FBRS: variants seen among roughly 807,000 people sequenced by gnomAD.
The protein encoded by FBRS is probable fibrosin-1.
FBRS carries 15 observed loss-of-function variants against 86.1 expected under a neutral mutation model. The observed-to-expected ratio is 0.17, with a 90% CI of 0.12 to 0.27. The LOEUF (loss-of-function observed/expected upper bound fraction) is 0.27. Ranked by LOEUF, FBRS falls within the 10% of genes least tolerant of loss-of-function variation. FBRS has a pLI of 1.00. For missense variants in FBRS, 1,367 were observed against 1,301.6 expected (o/e 1.05, Z -0.77); for synonymous variants, 666 against 575.8 (o/e 1.16, Z -2.24).
Position 30,661,341 on chromosome 16 carries a change from G to A in FBRS, c.705+8G>A, listed in dbSNP as rs763778705. 6.4e-7 allele frequency: 1 copy of A among 1,550,768 alleles called. No individual in the cohort carries two copies. Among genetic ancestry groups the A allele is most frequent in the South Asian group, 1.2e-5 (1 of 84,062 alleles). On this transcript the variant is annotated splice_region_variant and intron_variant, in intron 4 of 17. Transcript: ENST00000356166. ...AGTGATCTGGACGAGAGGGTGAGTG[G>A]GGCTAGAGCTTGGGTGGGCAGTGTC...
In FBRS at chr16:30,659,858, G is replaced by A. The variant is rs758291014; in HGVS notation, c.340G>A (p.Glu114Lys). Residue 114 changes from glutamate (E) to lysine (K), a missense_variant, in exon 1 of 18, where the codon GAG (glutamate) becomes AAG (lysine). This residue lies in a region of FBRS where 702 missense variants were observed against 598.7 expected (regional missense o/e 1.17). Transcript: ENST00000356166. Reference sequence around the variant, plus strand: ...CGGGGAGGAAGAGGAGGAGGAGGAGGAGGAGGGGGGCGCAGACGACGGCGA... The same window carrying A: ...CGGGGAGGAAGAGGAGGAGGAGGAGAAGGAGGGGGGCGCAGACGACGGCGA... ...SRGEEEEEEEEEGGADDGEAE... is the reference protein window; with the variant it reads ...SRGEEEEEEEKEGGADDGEAE... The A allele has an allele frequency of 6.5e-7, 1 of 1,540,470 alleles. No homozygotes were observed.
chr16:30,668,330 T>A lies in FBRS; in HGVS notation c.2075-230T>A, dbSNP rs1596619710. 40 of 525,588 alleles carry A rather than the reference T, an allele frequency of 7.6e-5. No individual in the cohort carries two copies. The East Asian group carries it at 1.2e-3, about 15-fold the overall frequency. 32.6% of individuals were successfully genotyped at this position (525,588 alleles called of 1,614,324 possible). ...CTCTCTGAGCCTCTCTGTTTTATCA[T>A]CTTCAAGTGGGCATGATCCTAACCA... On this transcript the variant is annotated intron_variant, in intron 15 of 17. Coordinates refer to ENST00000356166, the MANE Select transcript of FBRS (RefSeq NM_001105079.3).
Position 30,669,115 on chromosome 16 carries a change from C to T in FBRS, c.2413C>T (p.Pro805Ser), listed in dbSNP as rs2052560013. 1.9e-6 allele frequency: 3 copies of T among 1,593,062 alleles called. No homozygotes were observed. The highest frequency in any genetic ancestry group is 1.7e-6 in the Non-Finnish European group (2 of 1,170,798). Reference sequence around the variant, plus strand: ...CCAGCTCCGAGTTTCTCCTGCTACTCCCAAGGCCCGGGCTGGTGAGGAGGG... The same window carrying T: ...CCAGCTCCGAGTTTCTCCTGCTACTTCCAAGGCCCGGGCTGGTGAGGAGGG... ...RPQLRVSPAT[P>S]KARAGEEGPR... The change falls in exon 18 of 18, where the codon CCC (proline) becomes TCC (serine). Residue 805 changes from proline to serine, a missense_variant. Around this residue, in one of 3 missense-constraint regions of FBRS, gnomAD observed 659 missense variants for 678.8 expected, o/e 0.97. Transcript: ENST00000356166. This position sits in a 1 kb window ranked among gnomAD's most constrained non-coding sequence, Gnocchi z 5.9.
chr16:30,661,436 A>C, intron 4 of FBRS, 103 bp downstream of exon 4: 38 of 1,522,068 alleles, frequency 2.5e-5, no homozygotes, highest in South Asian at 3.6e-5. Flanking sequence ...TTGAGTGAGA[A>C]ACATGGCTTA....
chr16:30,662,839 C>G lies in FBRS; in HGVS notation c.1035C>G (p.Ser345Arg). ...FGLRTSPYGSSLDLSTGSSSR... is the reference protein window; with the variant it reads ...FGLRTSPYGSRLDLSTGSSSR... ...TCCGCACTTCTCCATATGGCAGCAG[C>G]CTGGACCTCAGCACTGGCAGGTGAG... Residue 345 changes from serine (S) to arginine (R), a missense_variant, in exon 6 of 18, where the codon AGC (serine) becomes AGG (arginine). Ser to Arg is a moderately radical substitution (Grantham distance 110, BLOSUM62 -1). This residue lies in a region of FBRS where 702 missense variants were observed against 598.7 expected (regional missense o/e 1.17). Transcript: ENST00000356166. The G allele has an allele frequency of 6.9e-7, 1 of 1,455,372 alleles. No homozygotes were observed. The highest frequency in any genetic ancestry group is 9.1e-7 in the Non-Finnish European group (1 of 1,099,406). The allele number at this position is 1,455,372 out of a possible 1,614,324, so 90.2% of individuals were successfully genotyped here.
At chr16:30,663,115 G>A (rs187664628) in intron 6 of FBRS, 32 of 517,482 alleles carry the variant, frequency 6.2e-5, no homozygotes, top group African/African-American at 3.3e-4. Context: ...AAGTCTGCTC[G>A]GAATAGTGTT....
rs1439917126 is a variant in FBRS, at chr16:30,659,831, C to G, written c.313C>G (p.Arg105Gly). The G allele has an allele frequency of 6.6e-7, 1 of 1,525,092 alleles. No homozygotes were observed. The highest frequency in any genetic ancestry group is 8.8e-7 in the Non-Finnish European group (1 of 1,140,046). The allele number at this position is 1,525,092 out of a possible 1,614,324, so 94.5% of individuals were successfully genotyped here. A position where few individuals can be genotyped will look rare whatever the true frequency, so the allele number is the denominator to read the frequency against. ...ARKRPAGSGS[R>G]GEEEEEEEEE... ...GAAGCGGCCTGCCGGCTCGGGCAGC[C>G]GCGGGGAGGAAGAGGAGGAGGAGGA... Residue 105 changes from arginine to glycine, a missense_variant, in exon 1 of 18, where the codon CGC becomes GGC. Arg to Gly is a moderately radical substitution (Grantham distance 125, BLOSUM62 -2). Coordinates refer to ENST00000356166, the MANE Select transcript of FBRS (RefSeq NM_001105079.3).
intron 4 of FBRS, 46 bp from the exon 5 acceptor site, chr16:30,662,374 C>T: frequency 6.5e-7 from 1 of 1,549,328 alleles, no homozygotes; most frequent in South Asian, 1.2e-5. Context: ...GGGTGGAGGC[C>T]TGGCCCACCC....
intron 2 of FBRS, among the ~76,000 whole-genome samples, chr16:30,660,748 G>C (rs2052449843): frequency 6.6e-6 from 1 of 152,194 alleles, no homozygotes; most frequent in Non-Finnish European, 1.5e-5. Flanking sequence ...TGGCAGTCCA[G>C]CAGAAAAGAA....
chr16:30,665,209 TG>T lies in FBRS; in HGVS notation c.1609-91del. 1.3e-6 allele frequency: 2 copies of T among 1,510,618 alleles called. No homozygotes were observed. The highest frequency in any genetic ancestry group is 8.9e-7 in the Non-Finnish European group (1 of 1,120,926). The allele number at this position is 1,510,618 out of a possible 1,614,324, so 93.6% of individuals were successfully genotyped here. ...GAGCCTTGAGCCTGGGACAGCTCCCTGGGGGGCTTTAGGGTGGAGGCCCGTG... is the reference window on the plus strand; with the variant it reads ...GAGCCTTGAGCCTGGGACAGCTCCCTGGGGGCTTTAGGGTGGAGGCCCGTG... On this transcript the variant is annotated intron_variant, in intron 9 of 17. Transcript: ENST00000356166. This position sits in a 1 kb window ranked among gnomAD's most constrained non-coding sequence, Gnocchi z 4.1.
intron 6 of FBRS, among the ~76,000 whole-genome samples, chr16:30,663,373 CAG>C (rs1185743527): frequency 6.6e-6 from 1 of 152,108 alleles, no homozygotes; most frequent in Non-Finnish European, 1.5e-5. Context: ...CATTCAGCGT[CAG>C]TGATATATGG....
intron 2 of FBRS, 149 bp downstream of exon 2, chr16:30,660,591 G>C: frequency 8.1e-7 from 1 of 1,231,540 alleles, no homozygotes; most frequent in Non-Finnish European, 1.0e-6. Context: ...TACTCATCCG[G>C]GTCTGACGAA....
At position 30,662,850 on chromosome 16, in the gene FBRS, G is replaced by C. The variant is rs2052477947; in HGVS notation, c.1046G>C (p.Ser349Thr). ...CCATATGGCAGCAGCCTGGACCTCA[G>C]CACTGGCAGGTGAGTGGTCTTGGGG... ...TSPYGSSLDL[S>T]TGSSSRPPPK... The change falls in exon 6 of 18, where the codon AGC (serine) becomes ACC (threonine). Residue 349 changes from serine to threonine, a missense_variant. Around this residue, in one of 3 missense-constraint regions of FBRS, gnomAD observed 702 missense variants for 598.7 expected, o/e 1.17. Coordinates refer to ENST00000356166, the MANE Select transcript of FBRS (RefSeq NM_001105079.3). The C allele has an allele frequency of 6.9e-7, 1 of 1,447,674 alleles. No individual in the cohort carries two copies. The highest frequency in any genetic ancestry group is 9.1e-7 in the Non-Finnish European group (1 of 1,096,180). The allele number at this position is 1,447,674 out of a possible 1,614,324, so 89.7% of individuals were successfully genotyped here.
chr16:30,662,545 A>G lies in FBRS; in HGVS notation c.755-14A>G, dbSNP rs2052473652. 1.9e-6 allele frequency: 3 copies of G among 1,547,188 alleles called. No homozygotes were observed. The highest frequency in any genetic ancestry group is 1.4e-5 in the African/African-American group (1 of 72,964). ...TGAGCCTCAACTGAGCATGTCTGCC[A>G]TCCTGCCCCACAGCCTCGGGCCCCC... On this transcript the variant is annotated splice_polypyrimidine_tract_variant and intron_variant, in intron 5 of 17. Coordinates refer to ENST00000356166, the MANE Select transcript of FBRS (RefSeq NM_001105079.3).
chr16:30,659,831 C>T lies in FBRS; in HGVS notation c.313C>T (p.Arg105Cys), dbSNP rs1439917126. The T allele has an allele frequency of 2.6e-6, 4 of 1,524,984 alleles. No homozygotes were observed. The highest frequency in any genetic ancestry group is 1.2e-5 in the South Asian group (1 of 83,424). 94.5% of individuals were successfully genotyped at this position (1,524,984 alleles called of 1,614,324 possible). ...ARKRPAGSGS[R>C]GEEEEEEEEE... ...GAAGCGGCCTGCCGGCTCGGGCAGCCGCGGGGAGGAAGAGGAGGAGGAGGA... is the reference window on the plus strand; with the variant it reads ...GAAGCGGCCTGCCGGCTCGGGCAGCTGCGGGGAGGAAGAGGAGGAGGAGGA... The change falls in exon 1 of 18, where the codon CGC becomes TGC. Residue 105 changes from arginine (R) to cysteine (C), a missense_variant. Transcript: ENST00000356166.
Position 30,667,355 on chromosome 16 carries a change from C to T in FBRS, c.1911C>T (p.Leu637=). 1 of 1,554,228 alleles carries T rather than the reference C, an allele frequency of 6.4e-7. No individual in the cohort carries two copies. The highest frequency in any genetic ancestry group is 8.7e-7 in the Non-Finnish European group (1 of 1,148,462). Residue 637 remains leucine (L), a synonymous_variant, in exon 14 of 18, where the codon CTC becomes CTT. Transcript: ENST00000356166. ...ACAAGCTTGACTTTCGGAATGACCT[C>T]CTGCCCTGCCTTCCGGGGCCCTATG... ...DSHKLDFRND[L]LPCLPGPYGA... is the part of the protein sequence containing the mutation.
chr16:30,661,895 T>C (rs979774604), intron 4 of FBRS: 12 of 174,998 alleles, frequency 6.9e-5, no homozygotes, highest in Non-Finnish European at 1.5e-4. Flanking sequence ...GTTTCAAAAG[T>C]TGGCTGGATA....
At position 30,665,881 on chromosome 16, in the gene FBRS, TGA is replaced by T. The variant is rs1359514613; in HGVS notation, c.1773+179_1773+180del. ...AGCTGGCTTTCCCAGGCATGAGGAA[TGA>T]GAGTTTCATGAGCTTGTCCCAGAAA... On this transcript the variant is annotated intron_variant, in intron 11 of 17. Transcript: ENST00000356166. This position sits in a 1 kb window ranked among gnomAD's most constrained non-coding sequence, Gnocchi z 4.1. 8.4e-6 allele frequency: 5 copies of T among 594,328 alleles called. No individual in the cohort carries two copies. The East Asian group carries it at 1.5e-4, about 18-fold the overall frequency. The allele number at this position is 594,328 out of a possible 1,614,324, so 36.8% of individuals were successfully genotyped here.
rs1431946302 is a variant in FBRS at position 30,668,541 on chromosome 16, C to G, written c.2075-19C>G. The G allele has an allele frequency of 6.2e-7, 1 of 1,603,220 alleles. No homozygotes were observed. Among genetic ancestry groups the G allele is most frequent in the Non-Finnish European group, 8.5e-7 (1 of 1,172,472 alleles). ...CACCGGCTGCCCAGTGCTCTGACCA[C>G]CCCCCTTTCCTCCCACAGATCCCTT... On this transcript the variant is annotated intron_variant, in intron 15 of 17. Coordinates refer to ENST00000356166, the MANE Select transcript of FBRS (RefSeq NM_001105079.3).
Sources: gnomAD v4.1 joint callset for allele counts (sites outside exome capture counted in the v4.1 genomes callset) on GRCh38, gnomAD v4.1.1 for gene constraint, gnomAD v4.1.1 regional missense constraint, Gnocchi (gnomAD v3.1) non-coding constraint, MANE v1.5 for transcripts, NCBI Gene and HGNC (gene_info 2026-07-23, HGNC 2026-07-21) for gene names.